Variants in ADAMTS3 observed in about 807,000 individuals in gnomAD.
ADAMTS3 encodes A disintegrin and metalloproteinase with thrombospondin motifs 3.
A neutral mutation model predicts 129.0 loss-of-function variants in ADAMTS3; 73 were observed. The observed-to-expected ratio is 0.57, with a 90% CI of 0.47 to 0.69. The LOEUF (loss-of-function observed/expected upper bound fraction) is 0.69, where lower values mean the gene tolerates loss of function less well. Among genes scored for constraint, ADAMTS3 ranks in the 30% least tolerant of loss-of-function variants. The probability of loss-of-function intolerance (pLI) is 0.00; values close to 1 mark genes in which losing one functional copy is unlikely to be tolerated. For missense variants in ADAMTS3, 1,457 were observed against 1,514.5 expected, an observed-to-expected ratio of 0.96 and a Z score of 0.63; for synonymous variants, 477 against 510.8, an observed-to-expected ratio of 0.93 and a Z score of 0.89.
At chr4:72,286,571 A>G (rs890797956) in intron 21 of ADAMTS3, among the ~76,000 whole-genome samples, 14 of 152,218 alleles carry the variant, frequency 9.2e-5, no homozygotes, top group African/African-American at 3.4e-4. Context: ...TCTTGACAAA[A>G]AGCACCATTC....
chr4:72,537,900 G>A (rs1291826920), intron 3 of ADAMTS3, among the ~76,000 whole-genome samples: 3 of 152,098 alleles, frequency 2.0e-5, no homozygotes, highest in African/African-American at 4.8e-5. Context: ...AGAAAGTCAA[G>A]AAAGAGATAT....
chr4:72,312,064 G>A lies in ADAMTS3; in HGVS notation c.1921+227C>T, dbSNP rs911722259. On this transcript the variant is annotated intron_variant, in intron 13 of 21. Transcript: ENST00000286657. ...GTTCCTTTCCACTGGTCTTTTCACC[G>A]CTGATGGTGATAGTGCTGCTTGCCA... is the stretch of plus-strand genomic sequence containing the variant. The A allele has an allele frequency of 2.0e-4, 91 of 447,640 alleles. No individual in the cohort carries two copies. The Admixed American group carries it at 2.6e-3, about 13-fold the overall frequency. 27.7% of individuals were successfully genotyped at this position (447,640 alleles called of 1,614,324 possible).
intron 3 of ADAMTS3, among the ~76,000 whole-genome samples, chr4:72,496,282 TC>T (rs1719871395): frequency 6.6e-6 from 1 of 152,222 alleles, no homozygotes; most frequent in African/African-American, 2.4e-5. Context: ...AATTAAGTGT[TC>T]CTACTTTGGG....
intron 3 of ADAMTS3, among the ~76,000 whole-genome samples, chr4:72,471,322 C>T (rs537761164): frequency 6.6e-6 from 1 of 152,222 alleles, no homozygotes; most frequent in South Asian, 2.1e-4. Context: ...AATGCAATAA[C>T]TTCTAACTCC....
At chr4:72,542,406 C>T (rs188516531) in intron 3 of ADAMTS3, among the ~76,000 whole-genome samples, 361 of 152,198 alleles carry the variant, frequency 2.4e-3, no homozygotes, top group Middle Eastern at 6.8e-3. Context: ...CCTTGTGATC[C>T]GCCCGCCTCA....
At chr4:72,530,617 A>AT (rs1720996635) in intron 3 of ADAMTS3, among the ~76,000 whole-genome samples, 1 of 87,088 alleles carries the variant, frequency 1.1e-5, no homozygotes. Context: ...TATATTATAT[A>AT]ATATATATTA....
chr4:72,487,528 C>T (rs1274725662), intron 3 of ADAMTS3, among the ~76,000 whole-genome samples: 1 of 152,108 alleles, frequency 6.6e-6, no homozygotes, highest in African/African-American at 2.4e-5. Context: ...CCTCACCATA[C>T]ATGGGCAATC....
intron 3 of ADAMTS3, among the ~76,000 whole-genome samples, chr4:72,423,590 G>A (rs1722499163): frequency 1.3e-5 from 2 of 151,672 alleles, no homozygotes; most frequent in East Asian, 3.9e-4. Context: ...AAGTTTTAGG[G>A]TACATGTGCA....
chr4:72,398,953 T>C (rs778433194), intron 4 of ADAMTS3, among the ~76,000 whole-genome samples: 4 of 152,222 alleles, frequency 2.6e-5, no homozygotes, highest in Non-Finnish European at 4.4e-5. Flanking sequence ...ATTACCTTTC[T>C]TGTAATTTTC....
chr4:72,451,733 T>C (rs1718411965), intron 3 of ADAMTS3, among the ~76,000 whole-genome samples: 1 of 151,576 alleles, frequency 6.6e-6, no homozygotes. Context: ...TTAAAGGAAA[T>C]ATGATTGACC....
intron 3 of ADAMTS3, among the ~76,000 whole-genome samples, chr4:72,543,405 T>C (rs1314040009): frequency 6.6e-6 from 1 of 152,144 alleles, no homozygotes; most frequent in East Asian, 1.9e-4. Context: ...TGAAAAGATA[T>C]GTGTACACTC....
At position 72,548,428 on chromosome 4, in the gene ADAMTS3, C is replaced by A. The variant is rs1395360597; in HGVS notation, c.504+50G>T. On this transcript the variant is annotated intron_variant, in intron 3 of 21. Transcript: ENST00000286657. ...CTTCCAAACTATGCAGAAGCCATGGCTGCACTCCCAGCACCTGCAAACATA... is the reference window on the plus strand; with the variant it reads ...CTTCCAAACTATGCAGAAGCCATGGATGCACTCCCAGCACCTGCAAACATA... 5.7e-6 allele frequency: 9 copies of A among 1,571,380 alleles called. No individual in the cohort carries two copies. In the South Asian group the frequency reaches 9.3e-5, roughly 16 times the overall value.
chr4:72,426,148 G>C (rs1436548352), intron 3 of ADAMTS3, among the ~76,000 whole-genome samples: 1 of 152,118 alleles, frequency 6.6e-6, no homozygotes, highest in African/African-American at 2.4e-5. Flanking sequence ...AGAAGTGTCT[G>C]TTCATATCCT....
intron 4 of ADAMTS3, among the ~76,000 whole-genome samples, chr4:72,342,778 A>G (rs1342647475): frequency 6.6e-6 from 1 of 152,144 alleles, no homozygotes; most frequent in African/African-American, 2.4e-5. Context: ...AACCAAATGC[A>G]TGACTCATGA....
chr4:72,320,053 A>C (rs1192515824), intron 7 of ADAMTS3, 90 bp from the exon 8 acceptor site: 6 of 1,038,548 alleles, frequency 5.8e-6, no homozygotes, highest in Non-Finnish European at 8.7e-6. Flanking sequence ...GGAAAAAAGT[A>C]AAAGCCTTTC....
At chr4:72,319,609 G>T in intron 8 of ADAMTS3, 134 bp from the exon 9 acceptor site, 1 of 1,074,352 alleles carries the variant, frequency 9.3e-7, no homozygotes. Context: ...CACAGAAACG[G>T]AAATTGACAG....
chr4:72,461,461 T>C (rs1718769731), intron 3 of ADAMTS3, among the ~76,000 whole-genome samples: 1 of 151,764 alleles, frequency 6.6e-6, no homozygotes, highest in Non-Finnish European at 1.5e-5. Flanking sequence ...CTTTAGTCAA[T>C]TCCATCTGTT....
intron 2 of ADAMTS3, among the ~76,000 whole-genome samples, chr4:72,566,625 T>A (rs1288769340): frequency 6.6e-6 from 1 of 152,234 alleles, no homozygotes; most frequent in African/African-American, 2.4e-5. Context: ...GTAAAATGTG[T>A]ATGAAAAGAC....
At chr4:72,375,531 A>T (rs1721114870) in intron 4 of ADAMTS3, among the ~76,000 whole-genome samples, 1 of 152,152 alleles carries the variant, frequency 6.6e-6, no homozygotes, top group South Asian at 2.1e-4. Context: ...GTATTCTGAG[A>T]GCATAAGATG....
Sources: allele counts gnomAD v4.1 joint callset (sites outside exome capture counted in the v4.1 genomes callset), GRCh38; gene constraint gnomAD v4.1.1; transcripts MANE v1.5; gene names NCBI Gene and HGNC (gene_info 2026-07-23, HGNC 2026-07-21).